The following GALNT13 variants were observed in gnomAD, a reference collection of about 807,000 sequenced individuals.
The protein encoded by GALNT13 is polypeptide N-acetylgalactosaminyltransferase 13, also known as UDP-GalNAc:polypeptide N-acetylgalactosaminyltransferase 13.
A neutral mutation model predicts 64.2 loss-of-function variants in GALNT13; 28 were observed. The ratio of observed to expected loss-of-function variants is 0.44; its 90% CI spans 0.32 to 0.60. The LOEUF (loss-of-function observed/expected upper bound fraction) is 0.60, where lower values mean the gene tolerates loss of function less well. Ranked by LOEUF, GALNT13 falls within the 20% of genes least tolerant of loss-of-function variation. GALNT13 has a pLI of 0.05. For missense variants in GALNT13, 577 were observed against 669.8 expected, an observed-to-expected ratio of 0.86 and a Z score of 1.53; for synonymous variants, 214 against 224.6, an observed-to-expected ratio of 0.95 and a Z score of 0.42.
chr2:153,841,185 T>G, the GALNT13 span, among the ~76,000 whole-genome samples: 1 of 152,176 alleles, frequency 6.6e-6, no homozygotes, highest in Non-Finnish European at 1.5e-5. Flanking sequence ...TTTAGATATT[T>G]AATATTTTTC....
chr2:153,218,653 G>T, the GALNT13 span, among the ~76,000 whole-genome samples: 1 of 152,130 alleles, frequency 6.6e-6, no homozygotes, highest in African/African-American at 2.4e-5. Flanking sequence ...GTTGTTTTTC[G>T]ATTTGGAGCA....
intron 11 of GALNT13, among the ~76,000 whole-genome samples, chr2:154,428,271 C>T (rs1380909402): frequency 2.6e-5 from 4 of 152,144 alleles, no homozygotes; most frequent in East Asian, 3.9e-4. Flanking sequence ...CTAAGCAGCT[C>T]GGACATATTG....
the GALNT13 span, among the ~76,000 whole-genome samples, chr2:153,696,532 A>AT: frequency 0.017 from 2,663 of 152,332 alleles, 44 homozygotes; most frequent in Non-Finnish European, 0.028. Context: ...GTTTTTTCCT[A>AT]TACATACATG....
At chr2:154,208,662 GTGTGT>G (rs1687605338) in intron 4 of GALNT13, among the ~76,000 whole-genome samples, 11 of 145,584 alleles carry the variant, frequency 7.6e-5, no homozygotes, top group African/African-American at 2.6e-4. Context: ...GTGTGTGTGT[GTGTGT>G]GTAGCTAATT....
intron 3 of GALNT13, among the ~76,000 whole-genome samples, chr2:154,045,213 A>T (rs1328237391): frequency 6.6e-6 from 1 of 152,226 alleles, no homozygotes; most frequent in African/African-American, 2.4e-5. Context: ...ATGAAATTAC[A>T]CAATGAATGA....
At chr2:153,648,489 C>A in the GALNT13 span, among the ~76,000 whole-genome samples, 1 of 152,134 alleles carries the variant, frequency 6.6e-6, no homozygotes, top group Non-Finnish European at 1.5e-5. Context: ...CTGGTCAGAA[C>A]TTCCAACACT....
intron 9 of GALNT13, among the ~76,000 whole-genome samples, chr2:154,374,998 G>A (rs1382181137): frequency 1.3e-5 from 2 of 152,124 alleles, no homozygotes; most frequent in African/African-American, 2.4e-5. Flanking sequence ...TAATTTTGTT[G>A]TTGTTGTTGA....
the GALNT13 span, among the ~76,000 whole-genome samples, chr2:153,565,739 T>C: frequency 6.6e-6 from 1 of 152,238 alleles, no homozygotes; most frequent in Non-Finnish European, 1.5e-5. Flanking sequence ...GGACTTACTA[T>C]ATATTTATGT....
chr2:153,993,039 A>G (rs1695264556), intron 3 of GALNT13, among the ~76,000 whole-genome samples: 1 of 152,200 alleles, frequency 6.6e-6, no homozygotes, highest in African/African-American at 2.4e-5. Flanking sequence ...TTATTTGATT[A>G]GGAAAGGTTA....
At chr2:154,181,418 A>G (rs1328409152) in intron 4 of GALNT13, among the ~76,000 whole-genome samples, 1 of 152,162 alleles carries the variant, frequency 6.6e-6, no homozygotes, top group Admixed American at 6.6e-5. Flanking sequence ...TCATATTTAC[A>G]TTAACATTTT....
intron 10 of GALNT13, among the ~76,000 whole-genome samples, chr2:154,397,332 G>A (rs1229913450): frequency 1.3e-5 from 2 of 152,022 alleles, no homozygotes; most frequent in Non-Finnish European, 2.9e-5. Flanking sequence ...CCAGCTACTC[G>A]GGAGGCTGAG....
chr2:153,133,085 G>C, the GALNT13 span, among the ~76,000 whole-genome samples: 2 of 148,020 alleles, frequency 1.4e-5, no homozygotes, highest in East Asian at 3.9e-4. Context: ...TGTTAAGGAA[G>C]TCTTTGTTTG....
At chr2:153,884,785 A>ATATATGTG (rs1450308010) in intron 1 of GALNT13, among the ~76,000 whole-genome samples, 1 of 122,504 alleles carries the variant, frequency 8.2e-6, no homozygotes, top group Non-Finnish European at 1.6e-5. Context: ...ATATATATAT[A>ATATATGTG]TGTGTGTGTA....
the GALNT13 span, among the ~76,000 whole-genome samples, chr2:153,568,917 T>TC: frequency 6.6e-6 from 1 of 152,220 alleles, no homozygotes; most frequent in Non-Finnish European, 1.5e-5. Flanking sequence ...CAACATTGTT[T>TC]TAAAATTCAC....
intron 4 of GALNT13, among the ~76,000 whole-genome samples, chr2:154,154,350 A>T (rs933405635): frequency 2.6e-5 from 4 of 152,238 alleles, no homozygotes; most frequent in Non-Finnish European, 5.9e-5. Flanking sequence ...AAAACAACTC[A>T]ATTAGAAAGT....
intron 4 of GALNT13, among the ~76,000 whole-genome samples, chr2:154,201,560 C>G (rs957994035): frequency 6.6e-5 from 10 of 152,092 alleles, no homozygotes; most frequent in African/African-American, 2.4e-4. Flanking sequence ...CTGTTTCAAA[C>G]AGGTTTAGAC....
the GALNT13 span, among the ~76,000 whole-genome samples, chr2:153,791,574 G>A: frequency 1.3e-5 from 2 of 152,090 alleles, no homozygotes; most frequent in African/African-American, 4.8e-5. Flanking sequence ...CTATTGCTGA[G>A]TATATACACA....
the GALNT13 span, among the ~76,000 whole-genome samples, chr2:153,211,798 T>G: frequency 6.6e-6 from 1 of 152,200 alleles, no homozygotes. Flanking sequence ...CATCAGGGTA[T>G]GAGGTGATTG....
intron 4 of GALNT13, among the ~76,000 whole-genome samples, chr2:154,155,218 C>A (rs1354859965): frequency 6.6e-6 from 1 of 151,902 alleles, no homozygotes; most frequent in Admixed American, 6.6e-5. Flanking sequence ...GAAATCAATG[C>A]TGCCTTTATC....
Sources: allele counts gnomAD v4.1 joint callset (sites outside exome capture counted in the v4.1 genomes callset), GRCh38; gene constraint gnomAD v4.1.1; transcripts MANE v1.5; gene names NCBI Gene and HGNC (gene_info 2026-07-23, HGNC 2026-07-21).